The following FBN1 variants were observed in gnomAD, a reference collection of about 807,000 sequenced individuals.
The protein encoded by FBN1 is fibrillin 1, also known as fibrillin-1.
In FBN1, 29 loss-of-function variants were observed where a neutral mutation model predicts 365.1. That is an observed-to-expected ratio of 0.08 (90% CI 0.06 to 0.11). The LOEUF (loss-of-function observed/expected upper bound fraction) is 0.11, where lower values mean the gene tolerates loss of function less well. FBN1 is among the 10% of genes least tolerant of loss of function. FBN1 has a pLI of 1.00. For synonymous variants in FBN1, 1,210 were observed against 1,270.5 expected (o/e 0.95, Z 1.01); for missense variants, 2,476 against 3,703.2 (o/e 0.67, Z 8.60).
chr15:48,448,502 AT>A (rs1187003900), intron 46 of FBN1, among the ~76,000 whole-genome samples: 6 of 152,186 alleles, frequency 3.9e-5, no homozygotes, highest in Non-Finnish European at 8.8e-5. Context: ...ATTAACATTA[AT>A]ATTTTTGTAT....
Position 48,495,500 on chromosome 15 carries a change from A to G in FBN1, c.2508T>C (p.Ser836=), listed in dbSNP as rs193922190. 3.1e-6 allele frequency: 5 copies of G among 1,614,006 alleles called. No homozygotes were observed. In the Admixed American group the frequency reaches 5.0e-5, roughly 16 times the overall value. ...GSFICECSSE[S]TLDPTKTICI... is the part of the protein sequence containing the mutation. ...AGATGGTTTTTGTTGGATCCAAAGT[A>G]CTTTCAGAAGAACATTCACAAATAA... is the stretch of plus-strand genomic sequence containing the variant. Residue 836 remains serine, a synonymous_variant, in exon 21 of 66, where the codon AGT becomes AGC. Coordinates refer to ENST00000316623, the MANE Select transcript of FBN1 (RefSeq NM_000138.5).
At chr15:48,466,958 A>G (rs1368728831) in intron 38 of FBN1, among the ~76,000 whole-genome samples, 1 of 151,946 alleles carries the variant, frequency 6.6e-6, no homozygotes, top group Non-Finnish European at 1.5e-5. Context: ...GAGAAGAGAG[A>G]AGGAGGAGCC....
chr15:48,479,136 A>G (rs1238543166), intron 32 of FBN1, among the ~76,000 whole-genome samples: 1 of 152,236 alleles, frequency 6.6e-6, no homozygotes, highest in Non-Finnish European at 1.5e-5. Flanking sequence ...TAGCAAAGCC[A>G]TCACCAAGGT....
At chr15:48,570,316 T>G (rs2044296719) in intron 6 of FBN1, among the ~76,000 whole-genome samples, 1 of 152,216 alleles carries the variant, frequency 6.6e-6, no homozygotes, top group Non-Finnish European at 1.5e-5. Context: ...CTCATTAACA[T>G]CACGTTCTAG....
rs751517759 is a variant in FBN1 at position 48,503,928 on chromosome 15, G to A, written c.1972C>T (p.Arg658Trp). Residue 658 changes from arginine (R) to tryptophan (W), a missense_variant, in exon 17 of 66, where the codon CGG becomes TGG. Coordinates refer to ENST00000316623, the MANE Select transcript of FBN1 (RefSeq NM_000138.5). ...TTGTATCCACCATAGCATGTGCTCC[G>A]CATGTGTGTGTCTAAACAGGAAGAA... The part of the protein sequence containing the change: ...DGRVCVDTHM[R>W]STCYGGYKRG... 5.6e-6 allele frequency: 9 copies of A among 1,614,064 alleles called. No individual in the cohort carries two copies. The highest frequency in any genetic ancestry group is 1.3e-5 in the African/African-American group (1 of 75,036).
chr15:48,446,661 T>A lies in FBN1; in HGVS notation c.5788+45A>T, dbSNP rs748416696. On this transcript the variant is annotated intron_variant, in intron 47 of 65. Transcript: ENST00000316623. Reference sequence around the variant, plus strand: ...GATGATGCTAATTACAAAGAACACATATAAAACTGACTTCCTTTGCTGATG... The same window carrying A: ...GATGATGCTAATTACAAAGAACACAAATAAAACTGACTTCCTTTGCTGATG... 39 of 1,128,028 alleles carry A rather than the reference T, an allele frequency of 3.5e-5. No homozygotes were observed. The East Asian group carries it at 9.1e-4, about 26-fold the overall frequency. The allele number at this position is 1,128,028 out of a possible 1,614,324, so 69.9% of individuals were successfully genotyped here.
chr15:48,561,611 AATC>A (rs1246592679), intron 6 of FBN1, among the ~76,000 whole-genome samples: 1 of 152,228 alleles, frequency 6.6e-6, no homozygotes, highest in Non-Finnish European at 1.5e-5. Context: ...AATTTTAAAG[AATC>A]ATATTTACCT....
chr15:48,575,800 G>A (rs2044341947), intron 6 of FBN1, among the ~76,000 whole-genome samples: 1 of 115,562 alleles, frequency 8.7e-6, no homozygotes, highest in Admixed American at 8.6e-5. Context: ...GAAAATGTGA[G>A]ATACACACAC....
At chr15:48,474,473 A>G in intron 33 of FBN1, 55 bp downstream of exon 33, 1 of 1,613,434 alleles carries the variant, frequency 6.2e-7, no homozygotes, top group Admixed American at 1.7e-5. Flanking sequence ...TAATATTTTC[A>G]TATGTGTAAT....
At chr15:48,602,733 G>T (rs1468360877) in intron 4 of FBN1, among the ~76,000 whole-genome samples, 6 of 152,040 alleles carry the variant, frequency 3.9e-5, no homozygotes, top group African/African-American at 1.4e-4. Flanking sequence ...CAGCCAAGAT[G>T]CTTTTTTAAC....
At chr15:48,572,922 G>T (rs759169270) in intron 6 of FBN1, among the ~76,000 whole-genome samples, 1 of 152,062 alleles carries the variant, frequency 6.6e-6, no homozygotes, top group Admixed American at 6.6e-5. Context: ...AAAAACAAGA[G>T]GCGAAGGGCT....
At chr15:48,450,152 T>C (rs1392013004) in intron 45 of FBN1, among the ~76,000 whole-genome samples, 1 of 152,212 alleles carries the variant, frequency 6.6e-6, no homozygotes, top group Non-Finnish European at 1.5e-5. Context: ...CTTCCCAGTA[T>C]AGGCAGAGGA....
intron 6 of FBN1, among the ~76,000 whole-genome samples, chr15:48,595,688 T>C (rs985860939): frequency 6.6e-6 from 1 of 152,224 alleles, no homozygotes; most frequent in Non-Finnish European, 1.5e-5. Flanking sequence ...CCTGGACCTC[T>C]TTGTGCCTTC....
At chr15:48,456,871 T>TGTGTGTGTGTGTGTGC (rs749897052) in intron 43 of FBN1, 109 bp from the exon 44 acceptor site, 33 of 1,083,604 alleles carry the variant, frequency 3.0e-5, no homozygotes, top group Middle Eastern at 4.2e-4. Context: ...TGTGTGTGTG[T>TGTGTGTGTGTGTGTGC]GCGTGCATGT....
At chr15:48,428,641 C>T (rs917156295) in intron 56 of FBN1, among the ~76,000 whole-genome samples, 170 bp from the exon 57 acceptor site, 18 of 152,084 alleles carry the variant, frequency 1.2e-4, no homozygotes, top group African/African-American at 4.1e-4. Flanking sequence ...CCCTCTCTCA[C>T]ATCTTTCCTT....
At chr15:48,427,840 T>C in intron 57 of FBN1, 67 bp from the exon 58 acceptor site, 1 of 1,501,068 alleles carries the variant, frequency 6.7e-7, no homozygotes, top group South Asian at 1.2e-5. Context: ...ATATTAAAAA[T>C]TTGGTCAGAT....
chr15:48,468,595 T>C (rs1021979210), intron 36 of FBN1, 61 bp from the exon 37 acceptor site: 5 of 1,594,812 alleles, frequency 3.1e-6, no homozygotes, highest in Non-Finnish European at 4.3e-6. Context: ...GACATCACCA[T>C]AAAAGAACAG....
chr15:48,576,359 G>A (rs2044347532), intron 6 of FBN1, among the ~76,000 whole-genome samples: 1 of 151,934 alleles, frequency 6.6e-6, no homozygotes, highest in Non-Finnish European at 1.5e-5. Context: ...AATTGTCCTT[G>A]ACCTCTCAGC....
intron 44 of FBN1, among the ~76,000 whole-genome samples, chr15:48,455,667 C>T (rs1365000334): frequency 6.6e-6 from 1 of 152,086 alleles, no homozygotes; most frequent in African/African-American, 2.4e-5. Flanking sequence ...TAGGAAGGCT[C>T]GGAAGGGCTA....
Sources: gnomAD v4.1 joint callset for allele counts (sites outside exome capture counted in the v4.1 genomes callset) on GRCh38, gnomAD v4.1.1 for gene constraint, MANE v1.5 for transcripts, NCBI Gene and HGNC (gene_info 2026-07-23, HGNC 2026-07-21) for gene names.